The following USH2A variants were observed in gnomAD, a reference collection of about 807,000 sequenced individuals.
USH2A encodes usherin.
In USH2A, 443 loss-of-function variants were observed where a neutral mutation model predicts 538.9. That is an observed-to-expected ratio of 0.82 (90% CI 0.76 to 0.89). The LOEUF (loss-of-function observed/expected upper bound fraction) is 0.89, where lower values mean the gene tolerates loss of function less well. Among genes scored for constraint, USH2A ranks in the 40% least tolerant of loss-of-function variants. The pLI is 0.00. For missense variants in USH2A, 6,633 were observed against 6,324.8 expected (o/e 1.05, Z -1.65); for synonymous variants, 2,413 against 2,273.5 (o/e 1.06, Z -1.75).
chr1:216,198,832 G>A (rs1386519037), intron 17 of USH2A, among the ~76,000 whole-genome samples: 5 of 152,040 alleles, frequency 3.3e-5, no homozygotes, highest in Admixed American at 1.3e-4. Flanking sequence ...ATACTCATGA[G>A]GAAAACAAAC....
intron 36 of USH2A, among the ~76,000 whole-genome samples, chr1:215,968,802 A>T (rs967528102): frequency 1.3e-5 from 2 of 152,194 alleles, no homozygotes; most frequent in African/African-American, 4.8e-5. Flanking sequence ...TTAAAATGTC[A>T]TAGCATCGGG....
At chr1:216,273,685 G>A (rs999623826) in intron 11 of USH2A, among the ~76,000 whole-genome samples, 2 of 151,656 alleles carry the variant, frequency 1.3e-5, no homozygotes, top group Non-Finnish European at 2.9e-5. Context: ...CTATATCACT[G>A]AAATATTTTT....
chr1:215,962,963 A>G (rs1426613242), intron 37 of USH2A, among the ~76,000 whole-genome samples: 14 of 152,114 alleles, frequency 9.2e-5, no homozygotes, highest in Non-Finnish European at 1.5e-5. Flanking sequence ...TTACAGACAC[A>G]GCCCAATTTC....
intron 56 of USH2A, among the ~76,000 whole-genome samples, chr1:215,763,634 A>G (rs1251665778): frequency 6.6e-6 from 1 of 152,144 alleles, no homozygotes; most frequent in African/African-American, 2.4e-5. Context: ...CTAAGGAGAT[A>G]TGGATGTATG....
intron 9 of USH2A, among the ~76,000 whole-genome samples, chr1:216,321,371 T>G (rs760621917): frequency 3.3e-5 from 5 of 152,136 alleles, no homozygotes; most frequent in Admixed American, 6.6e-5. Flanking sequence ...CACAGAAAAC[T>G]AAAGTAACAT....
intron 21 of USH2A, among the ~76,000 whole-genome samples, chr1:216,132,876 A>C (rs1332359365): frequency 6.6e-6 from 1 of 152,152 alleles, no homozygotes; most frequent in African/African-American, 2.4e-5. Context: ...GAAAGAGCAG[A>C]ATGGCTAATC....
intron 35 of USH2A, among the ~76,000 whole-genome samples, chr1:215,990,197 A>G (rs1486146688): frequency 6.6e-6 from 1 of 152,230 alleles, no homozygotes; most frequent in Non-Finnish European, 1.5e-5. Flanking sequence ...TCCAGAAAAG[A>G]AAATTAAAAA....
chr1:215,868,016 T>C (rs1664524783), intron 43 of USH2A, among the ~76,000 whole-genome samples: 1 of 152,148 alleles, frequency 6.6e-6, no homozygotes, highest in African/African-American at 2.4e-5. Context: ...TAGCTTAGAC[T>C]GAGATACTTG....
intron 44 of USH2A, among the ~76,000 whole-genome samples, chr1:215,865,487 A>G (rs908476379): frequency 2.0e-5 from 3 of 152,196 alleles, no homozygotes; most frequent in Non-Finnish European, 4.4e-5. Context: ...AGAAGTATTC[A>G]AATGTCAGAT....
At chr1:216,218,943 A>G (rs1488332501) in intron 14 of USH2A, among the ~76,000 whole-genome samples, 3 of 151,982 alleles carry the variant, frequency 2.0e-5, no homozygotes, top group Non-Finnish European at 2.9e-5. Context: ...GGCTTTTAAT[A>G]TAATATTAGT....
At chr1:215,813,158 T>C (rs1483957061) in intron 49 of USH2A, among the ~76,000 whole-genome samples, 2 of 152,188 alleles carry the variant, frequency 1.3e-5, no homozygotes, top group Non-Finnish European at 2.9e-5. Flanking sequence ...TTTTATGTAG[T>C]TGAAATTTGG....
chr1:216,072,555 G>C, intron 29 of USH2A: 1 of 356,698 alleles, frequency 2.8e-6, no homozygotes, highest in Non-Finnish European at 5.4e-6. Flanking sequence ...TCAGCTTCTT[G>C]CTATCTACAC....
intron 41 of USH2A, among the ~76,000 whole-genome samples, chr1:215,882,396 A>G (rs1664934906): frequency 6.6e-6 from 1 of 151,812 alleles, no homozygotes; most frequent in Non-Finnish European, 1.5e-5. Context: ...TTCATACAGA[A>G]CAAGATGTGC....
chr1:216,381,061 A>G (rs1422076796), intron 3 of USH2A, among the ~76,000 whole-genome samples: 1 of 152,174 alleles, frequency 6.6e-6, no homozygotes. Context: ...CCAATAAGAA[A>G]AAAAAGTGCT....
intron 55 of USH2A, among the ~76,000 whole-genome samples, chr1:215,768,695 C>T (rs577616635): frequency 2.6e-5 from 4 of 152,288 alleles, no homozygotes; most frequent in African/African-American, 9.6e-5. Context: ...AGGGAACATT[C>T]AAGAATGAAA....
intron 3 of USH2A, among the ~76,000 whole-genome samples, chr1:216,370,129 T>A (rs994191342): frequency 1.4e-4 from 21 of 151,864 alleles, no homozygotes; most frequent in Non-Finnish European, 2.7e-4. Flanking sequence ...GAGGCCGAGG[T>A]GGGCGGATCA....
intron 64 of USH2A, among the ~76,000 whole-genome samples, chr1:215,666,797 G>A (rs1265682889): frequency 6.6e-6 from 1 of 152,114 alleles, no homozygotes; most frequent in Non-Finnish European, 1.5e-5. Context: ...CTTGTTAAAA[G>A]TACAGGTTGC....
At position 216,251,030 on chromosome 1, in the gene USH2A, G is replaced by A. The variant is rs760563366; in HGVS notation, c.2040C>T (p.Phe680=). 4.3e-6 allele frequency: 7 copies of A among 1,613,906 alleles called. No individual in the cohort carries two copies. The highest frequency in any genetic ancestry group is 5.9e-6 in the Non-Finnish European group (7 of 1,179,994). ...GRQCNQCQNG[F]YNLQELDPDG... Reference sequence around the variant, plus strand: ...CAGGATCCAACTCTTGTAGATTGTAGAATCCATTCTGGCACTGATTGCACT... The same window carrying A: ...CAGGATCCAACTCTTGTAGATTGTAAAATCCATTCTGGCACTGATTGCACT... Residue 680 remains phenylalanine, a synonymous_variant, in exon 12 of 72, where the codon TTC becomes TTT. Coordinates refer to ENST00000307340, the MANE Select transcript of USH2A (RefSeq NM_206933.4).
At chr1:215,716,603 G>A (rs1014260701) in intron 61 of USH2A, among the ~76,000 whole-genome samples, 3 of 152,094 alleles carry the variant, frequency 2.0e-5, no homozygotes, top group Non-Finnish European at 2.9e-5. Context: ...ATGTACATCC[G>A]TTAAAAATAT....
Sources: gnomAD v4.1 joint callset for allele counts (sites outside exome capture counted in the v4.1 genomes callset) on GRCh38, gnomAD v4.1.1 for gene constraint, MANE v1.5 for transcripts, NCBI Gene and HGNC (gene_info 2026-07-23, HGNC 2026-07-21) for gene names.